Variants in GLRB observed in about 807,000 individuals in gnomAD.
GLRB encodes glycine receptor subunit beta.
In GLRB, 33 loss-of-function variants were observed where a neutral mutation model predicts 54.2. The observed-to-expected ratio is 0.61, with a 90% CI of 0.46 to 0.81. GLRB has a LOEUF of 0.81. GLRB is among the 40% of genes least tolerant of loss of function. The pLI, the probability that GLRB is intolerant of heterozygous loss-of-function variation, is 0.00. For missense variants in GLRB, 572 were observed against 584.6 expected (o/e 0.98, Z 0.22); for synonymous variants, 209 against 208.2 (o/e 1.00, Z -0.03).
Position 157,168,168 on chromosome 4 carries a change from G to T in GLRB, c.1198-2264G>T, listed in dbSNP as rs142088160. Among the ~76,000 whole-genome samples the T allele has an allele frequency of 1.1e-4, 16 of 151,680 alleles. 1 individual carries two copies. In the East Asian group the frequency reaches 3.1e-3, roughly 29 times the overall value. ...TAGATACAGAGTATAAATTGATAGG[G>T]ACTAAAGCCTGTCCGTACTTCTTGA... On this transcript the variant is annotated intron_variant, in intron 9 of 9. Coordinates refer to ENST00000264428, the MANE Select transcript of GLRB (RefSeq NM_000824.5).
chr4:157,098,821 T>C (rs192919114), intron 2 of GLRB, among the ~76,000 whole-genome samples: 13 of 152,176 alleles, frequency 8.5e-5, no homozygotes, highest in Admixed American at 7.9e-4. Flanking sequence ...TTGGCCAGAC[T>C]GGCCTCGAAC....
intron 9 of GLRB, 135 bp downstream of exon 9, chr4:157,153,145 C>G (rs1737091367): frequency 1.2e-6 from 1 of 804,000 alleles, no homozygotes; most frequent in South Asian, 1.4e-5. Flanking sequence ...TGAAAACAAA[C>G]TGAGCACAAC....
chr4:157,116,769 A>T (rs1347047557), intron 2 of GLRB, among the ~76,000 whole-genome samples: 1 of 151,742 alleles, frequency 6.6e-6, no homozygotes, highest in Non-Finnish European at 1.5e-5. Context: ...CATGCATATG[A>T]ATATAAACTA....
intron 4 of GLRB, among the ~76,000 whole-genome samples, chr4:157,124,194 C>G (rs1333111450): frequency 1.3e-5 from 2 of 151,740 alleles, no homozygotes; most frequent in African/African-American, 2.4e-5. Context: ...AGTAGTTAGC[C>G]AAGAATAACT....
chr4:157,134,613 T>C (rs1278708645), intron 4 of GLRB, among the ~76,000 whole-genome samples: 1 of 152,108 alleles, frequency 6.6e-6, no homozygotes, highest in Admixed American at 6.6e-5. Context: ...TAGGCTGAAA[T>C]AAAGCATTCT....
chr4:157,077,904 T>G (rs894265117), intron 1 of GLRB, 92 bp from the exon 2 acceptor site: 11 of 756,416 alleles, frequency 1.5e-5, no homozygotes, highest in Non-Finnish European at 2.2e-5. Context: ...GTACTTGCCC[T>G]TTGGGTAGTA....
At chr4:157,138,234 G>A (rs950765867) in intron 6 of GLRB, among the ~76,000 whole-genome samples, 1 of 152,046 alleles carries the variant, frequency 6.6e-6, no homozygotes, top group African/African-American at 2.4e-5. Context: ...ACCGTGCCTG[G>A]CTAATTTATG....
chr4:157,099,601 G>T (rs1338198065), intron 2 of GLRB, among the ~76,000 whole-genome samples: 1 of 152,102 alleles, frequency 6.6e-6, no homozygotes, highest in East Asian at 1.9e-4. Flanking sequence ...CTCCCGAAGT[G>T]CTGGGATTAC....
chr4:157,125,501 A>T (rs1336742932), intron 4 of GLRB, among the ~76,000 whole-genome samples: 3 of 151,890 alleles, frequency 2.0e-5, no homozygotes, highest in Non-Finnish European at 4.4e-5. Context: ...TACATTAGCA[A>T]ATTAATTTAA....
At chr4:157,099,596 G>A (rs1037391636) in intron 2 of GLRB, among the ~76,000 whole-genome samples, 6 of 151,916 alleles carry the variant, frequency 3.9e-5, no homozygotes, top group African/African-American at 2.4e-5. Flanking sequence ...TTGGCCTCCC[G>A]AAGTGCTGGG....
intron 2 of GLRB, among the ~76,000 whole-genome samples, chr4:157,113,812 A>G (rs1261624019): frequency 2.0e-5 from 3 of 152,044 alleles, no homozygotes; most frequent in African/African-American, 7.2e-5. Context: ...CACACTCATA[A>G]ACACATTCTT....
chr4:157,078,726 C>A (rs988028176), intron 2 of GLRB, among the ~76,000 whole-genome samples: 5 of 152,126 alleles, frequency 3.3e-5, no homozygotes, highest in African/African-American at 1.2e-4. Flanking sequence ...AACACAAATT[C>A]TAAATCCAAC....
chr4:157,113,705 CA>C (rs144007627), intron 2 of GLRB, among the ~76,000 whole-genome samples: 14,768 of 151,898 alleles, frequency 0.097, 864 homozygotes, highest in Middle Eastern at 0.17. Context: ...TCCTGAAACC[CA>C]GGTGAGGGGA....
intron 2 of GLRB, among the ~76,000 whole-genome samples, chr4:157,107,685 G>A (rs144531875): frequency 3.9e-5 from 6 of 152,092 alleles, no homozygotes; most frequent in Non-Finnish European, 7.4e-5. Flanking sequence ...TAACACAAAC[G>A]TGTGAGGTGG....
chr4:157,153,988 C>G (rs1737127936), intron 9 of GLRB, among the ~76,000 whole-genome samples: 1 of 152,160 alleles, frequency 6.6e-6, no homozygotes, highest in Non-Finnish European at 1.5e-5. Flanking sequence ...TATGGTGCTG[C>G]CTGTGGCCTT....
At chr4:157,090,686 T>C (rs1172097833) in intron 2 of GLRB, among the ~76,000 whole-genome samples, 1 of 152,218 alleles carries the variant, frequency 6.6e-6, no homozygotes, top group Non-Finnish European at 1.5e-5. Flanking sequence ...TGAGTGGTTC[T>C]TTTGTCCAAT....
chr4:157,086,815 TG>T (rs1734429314), intron 2 of GLRB, among the ~76,000 whole-genome samples: 2 of 152,156 alleles, frequency 1.3e-5, no homozygotes, highest in Admixed American at 1.3e-4. Context: ...ATAACATCAA[TG>T]GGAAGTTAAA....
At chr4:157,089,009 A>T (rs566846173) in intron 2 of GLRB, among the ~76,000 whole-genome samples, 4 of 152,212 alleles carry the variant, frequency 2.6e-5, no homozygotes, top group Non-Finnish European at 5.9e-5. Flanking sequence ...AAATTACAAA[A>T]GATGTGCAAC....
chr4:157,146,259 C>T (rs1736804199), intron 8 of GLRB, among the ~76,000 whole-genome samples: 1 of 152,018 alleles, frequency 6.6e-6, no homozygotes, highest in African/African-American at 2.4e-5. Context: ...CCGTGATCTG[C>T]CCGCCTCGAC....
Sources: allele counts gnomAD v4.1 joint callset (sites outside exome capture counted in the v4.1 genomes callset), GRCh38; gene constraint gnomAD v4.1.1; transcripts MANE v1.5; gene names NCBI Gene and HGNC (gene_info 2026-07-23, HGNC 2026-07-21).